The following MEI4 variants were observed in gnomAD, a reference collection of about 807,000 sequenced individuals.
MEI4 encodes meiotic double-stranded break formation protein 4, also known as meiosis-specific protein MEI4.
A neutral mutation model predicts 31.4 loss-of-function variants in MEI4; 27 were observed. The ratio of observed to expected loss-of-function variants is 0.86; its 90% CI spans 0.63 to 1.19. MEI4 has a LOEUF of 1.19. MEI4 is among the 50% of genes most tolerant of loss of function. The pLI is 0.00. For missense variants in MEI4, 329 were observed against 398.9 expected (o/e 0.82, Z 1.49); for synonymous variants, 122 against 145.4 (o/e 0.84, Z 1.16).
intron 2 of MEI4, among the ~76,000 whole-genome samples, chr6:77,730,764 C>A (rs1255155553): frequency 4.0e-5 from 6 of 149,510 alleles, no homozygotes; most frequent in African/African-American, 1.5e-4. Context: ...TCTCCCAGTG[C>A]TATCCCTCGC....
chr6:77,804,578 A>G (rs1340456557), intron 3 of MEI4, among the ~76,000 whole-genome samples: 1 of 151,964 alleles, frequency 6.6e-6, no homozygotes, highest in Admixed American at 6.6e-5. Context: ...AGCTGTTCCT[A>G]TTTGGCCATC....
At chr6:77,674,416 T>G (rs1768802846) in intron 1 of MEI4, among the ~76,000 whole-genome samples, 1 of 152,178 alleles carries the variant, frequency 6.6e-6, no homozygotes, top group African/African-American at 2.4e-5. Context: ...ATGGTAATAC[T>G]GTAAGATTAT....
intron 4 of MEI4, among the ~76,000 whole-genome samples, chr6:77,883,746 C>CATATATATATATACACACATATATATATA (rs1554172133): frequency 1.9e-4 from 6 of 31,760 alleles, no homozygotes; most frequent in East Asian, 3.2e-3. Flanking sequence ...ATATATATAA[C>CATATATATATATACACACATATATATATA]TTTGTCTTTG....
At chr6:77,760,432 G>A (rs1187778332) in intron 2 of MEI4, among the ~76,000 whole-genome samples, 1 of 151,736 alleles carries the variant, frequency 6.6e-6, no homozygotes, top group African/African-American at 2.4e-5. Context: ...CAGGATGAAG[G>A]TTCTTAACAT....
At chr6:77,785,906 G>T (rs909531809) in intron 3 of MEI4, among the ~76,000 whole-genome samples, 15 of 151,980 alleles carry the variant, frequency 9.9e-5, no homozygotes, top group Non-Finnish European at 1.5e-4. Flanking sequence ...TACCTAGATT[G>T]CTCCCATCAG....
At chr6:77,899,147 C>G (rs1263889696) in intron 4 of MEI4, among the ~76,000 whole-genome samples, 2 of 151,990 alleles carry the variant, frequency 1.3e-5, no homozygotes, top group Non-Finnish European at 2.9e-5. Context: ...GTGAAACGTG[C>G]ATATGAACAT....
intron 4 of MEI4, among the ~76,000 whole-genome samples, chr6:77,908,593 C>T (rs1359325470): frequency 1.3e-5 from 2 of 152,074 alleles, no homozygotes; most frequent in Non-Finnish European, 2.9e-5. Context: ...ATGCCTCCAG[C>T]TTTGTTCTTT....
At chr6:77,740,149 A>G (rs1045869621) in intron 2 of MEI4, among the ~76,000 whole-genome samples, 3 of 152,084 alleles carry the variant, frequency 2.0e-5, no homozygotes, top group East Asian at 3.9e-4. Flanking sequence ...TTTTAATTAC[A>G]CTGTCGTCTG....
rs1041570192 is a variant in MEI4 at position 77,827,187 on chromosome 6, T to C, written c.769-1744T>C. Among the ~76,000 whole-genome samples the C allele has an allele frequency of 2.0e-4, 30 of 151,536 alleles. 1 individual carries two copies. The highest frequency in any genetic ancestry group is 3.9e-4 in the African/African-American group (16 of 41,268). On this transcript the variant is annotated intron_variant, in intron 3 of 4. Coordinates refer to ENST00000684080, the MANE Select transcript of MEI4 (RefSeq NM_001322247.2). ...CATCCTGGCTAACACGGTGAAACCC[T>C]GTCTCTACTAAAAATACAAAAAATT...
chr6:77,650,653 C>A (rs1768284172), upstream of MEI4, among the ~76,000 whole-genome samples: 2 of 152,200 alleles, frequency 1.3e-5, no homozygotes, highest in African/African-American at 4.8e-5. Context: ...TGCCTGTGGA[C>A]CACTCGTCCC....
chr6:77,851,804 A>T (rs1244159339), intron 4 of MEI4, among the ~76,000 whole-genome samples: 1 of 152,040 alleles, frequency 6.6e-6, no homozygotes, highest in Non-Finnish European at 1.5e-5. Flanking sequence ...AAAAGCAGGG[A>T]TTTGAAAGGG....
chr6:77,899,374 C>G (rs1390881196), intron 4 of MEI4, among the ~76,000 whole-genome samples: 1 of 152,008 alleles, frequency 6.6e-6, no homozygotes, highest in Non-Finnish European at 1.5e-5. Flanking sequence ...TTATCTCATT[C>G]TCTGAAAGCT....
intron 2 of MEI4, among the ~76,000 whole-genome samples, chr6:77,743,122 A>G (rs978734309): frequency 6.6e-6 from 1 of 152,152 alleles, no homozygotes; most frequent in Non-Finnish European, 1.5e-5. Flanking sequence ...TTGGTTCCAT[A>G]TGAACTTGAA....
At chr6:77,713,973 A>G (rs887485779) in intron 2 of MEI4, among the ~76,000 whole-genome samples, 19 of 152,182 alleles carry the variant, frequency 1.2e-4, no homozygotes, top group African/African-American at 4.3e-4. Flanking sequence ...CTTATAAGTA[A>G]GAATATGTGG....
chr6:77,831,995 C>T (rs187648973), intron 4 of MEI4, among the ~76,000 whole-genome samples: 16 of 152,036 alleles, frequency 1.1e-4, no homozygotes, highest in Non-Finnish European at 1.5e-4. Context: ...TTGATAATTA[C>T]GCATTGTATA....
intron 1 of MEI4, among the ~76,000 whole-genome samples, chr6:77,666,913 GGTA>G (rs1768649642): frequency 1.3e-5 from 2 of 151,822 alleles, no homozygotes; most frequent in African/African-American, 4.8e-5. Flanking sequence ...GTGTTGCTGT[GGTA>G]GTAGGCTGAG....
At chr6:77,665,378 G>A (rs959558541) in intron 1 of MEI4, among the ~76,000 whole-genome samples, 4 of 152,030 alleles carry the variant, frequency 2.6e-5, no homozygotes, top group Non-Finnish European at 5.9e-5. Flanking sequence ...TTGCCGCTAA[G>A]GGTGAAGGAG....
At chr6:77,917,130 G>T (rs376604961) in intron 4 of MEI4, among the ~76,000 whole-genome samples, 1 of 151,630 alleles carries the variant, frequency 6.6e-6, no homozygotes, top group Admixed American at 6.6e-5. Flanking sequence ...ATAGTATTCC[G>T]TGGTGTATAT....
At chr6:77,690,942 T>C (rs1006100973) in intron 2 of MEI4, 39 bp downstream of exon 2, 1 of 1,034,356 alleles carries the variant, frequency 9.7e-7, no homozygotes, top group Non-Finnish European at 1.2e-6. Context: ...TATGTCATAC[T>C]TGTTTTATTT....
Sources: allele counts gnomAD v4.1 joint callset (sites outside exome capture counted in the v4.1 genomes callset), GRCh38; gene constraint gnomAD v4.1.1; transcripts MANE v1.5; gene names NCBI Gene and HGNC (gene_info 2026-07-23, HGNC 2026-07-21).